The following BTC variants were observed in gnomAD, a reference collection of about 807,000 sequenced individuals.
BTC encodes betacellulin.
Under a neutral mutation model 18.1 loss-of-function variants are expected in BTC, and 13 were observed. That is an observed-to-expected ratio of 0.72 (90% confidence interval 0.47 to 1.14). BTC has a LOEUF of 1.14. BTC is among the 50% of genes most tolerant of loss of function. The pLI, the probability that BTC is intolerant of heterozygous loss-of-function variation, is 0.00. For synonymous variants in BTC, 83 were observed against 79.4 expected (o/e 1.05, Z -0.24); for missense variants, 247 against 224.2 (o/e 1.10, Z -0.65).
At chr4:74,766,932 T>C (rs1164818357) in intron 2 of BTC, among the ~76,000 whole-genome samples, 1 of 152,016 alleles carries the variant, frequency 6.6e-6, no homozygotes, top group Non-Finnish European at 1.5e-5. Flanking sequence ...CCCAAAATAA[T>C]AGGCCTTATA....
intron 1 of BTC, among the ~76,000 whole-genome samples, chr4:74,777,297 G>C (rs1032650790): frequency 6.6e-6 from 1 of 152,150 alleles, no homozygotes; most frequent in Admixed American, 6.6e-5. Context: ...GTGGAGGGTA[G>C]AAATTATGCG....
chr4:74,749,663 C>T (rs1311576002), intron 4 of BTC, among the ~76,000 whole-genome samples: 1 of 140,286 alleles, frequency 7.1e-6, no homozygotes, highest in African/African-American at 2.7e-5. Flanking sequence ...CAAAAAGATA[C>T]CACTTTAATA....
chr4:74,781,514 C>T (rs1190077825), intron 1 of BTC, among the ~76,000 whole-genome samples: 1 of 151,866 alleles, frequency 6.6e-6, no homozygotes, highest in Non-Finnish European at 1.5e-5. Flanking sequence ...TAGCCTCATC[C>T]TCCTTCACAT....
At chr4:74,786,631 G>GA (rs139696127) in intron 1 of BTC, among the ~76,000 whole-genome samples, 246 of 152,274 alleles carry the variant, frequency 1.6e-3, no homozygotes, top group African/African-American at 5.7e-3. Context: ...ACACAAGAGA[G>GA]AAAATCATCT....
At position 74,783,335 on chromosome 4, in the gene BTC, G is replaced by A. The variant is rs144705384; in HGVS notation, c.64+10927C>T. Among the ~76,000 whole-genome samples the A allele has an allele frequency of 2.0e-3, 303 of 151,970 alleles. 1 individual carries two copies. The highest frequency in any genetic ancestry group is 3.6e-3 in the Non-Finnish European group (246 of 67,918). ...CTGCATATGACTAGCCAGTTCTCTCGGCACCGTTTATTAAATAAGGATTCC... is the reference window on the plus strand; with the variant it reads ...CTGCATATGACTAGCCAGTTCTCTCAGCACCGTTTATTAAATAAGGATTCC... On this transcript the variant is annotated intron_variant, in intron 1 of 5. Coordinates refer to ENST00000395743, the MANE Select transcript of BTC (RefSeq NM_001729.4).
At chr4:74,772,637 T>C (rs1250801495) in intron 1 of BTC, among the ~76,000 whole-genome samples, 1 of 151,764 alleles carries the variant, frequency 6.6e-6, no homozygotes, top group Non-Finnish European at 1.5e-5. Context: ...CCTTAATTTC[T>C]TCTAATGGTG....
chr4:74,792,395 G>A (rs1030317872), intron 1 of BTC, among the ~76,000 whole-genome samples: 1 of 152,148 alleles, frequency 6.6e-6, no homozygotes, highest in Non-Finnish European at 1.5e-5. Flanking sequence ...TGACACCTCT[G>A]CTAAAACATC....
At position 74,748,167 on chromosome 4, in the gene BTC, A is replaced by C. The variant is rs1467936419; in HGVS notation, c.429-18T>G. 3 of 1,488,800 alleles carry C rather than the reference A, an allele frequency of 2.0e-6. No homozygotes were observed. In the African/African-American group the frequency reaches 4.1e-5, roughly 21 times the overall value. 92.2% of individuals were successfully genotyped at this position (1,488,800 alleles called of 1,614,324 possible). A position where few individuals can be genotyped will look rare whatever the true frequency, so the allele number is the denominator to read the frequency against. On this transcript the variant is annotated intron_variant, in intron 4 of 5. Transcript: ENST00000395743. ...GAAGAGGGCTTGGAAAATACGTGTT[A>C]GAAGTTAGTATGGGCCTAGTAGTTC...
Position 74,745,441 on chromosome 4 carries a change from G to A in BTC, c.*1236C>T, listed in dbSNP as rs967061722. 3.6e-4 allele frequency: 55 copies of A among 152,192 alleles called. No individual in the cohort carries two copies. The highest frequency in any genetic ancestry group is 1.2e-4 in the Non-Finnish European group (8 of 68,024). 9.4% of individuals were successfully genotyped at this position (152,192 alleles called of 1,614,324 possible). A position where few individuals can be genotyped will look rare whatever the true frequency, so the allele number is the denominator to read the frequency against. ...CACAAGTTGGGGGGCATCTTCCATC[G>A]ATTTTTGTAAGTGAACCACGTAATC... On this transcript the variant is annotated 3_prime_UTR_variant, in exon 6 of 6. Transcript: ENST00000395743.
chr4:74,755,758 G>A (rs1342416863), intron 3 of BTC, 101 bp downstream of exon 3: 4 of 1,114,830 alleles, frequency 3.6e-6, no homozygotes, highest in African/African-American at 1.5e-5. Context: ...AACTGTGTTC[G>A]GACAGATGGC....
intron 2 of BTC, among the ~76,000 whole-genome samples, chr4:74,759,408 C>A (rs1357434000): frequency 6.6e-6 from 1 of 151,968 alleles, no homozygotes; most frequent in Non-Finnish European, 1.5e-5. Flanking sequence ...TTGCCAAAAA[C>A]AAAATATGCC....
intron 1 of BTC, among the ~76,000 whole-genome samples, chr4:74,783,264 G>C (rs1725385423): frequency 6.6e-6 from 1 of 152,020 alleles, no homozygotes; most frequent in South Asian, 2.1e-4. Flanking sequence ...TCCATCTTGA[G>C]TTATTTTTTG....
In BTC at chr4:74,746,627, G is replaced by A. The variant is rs1724297423; in HGVS notation, c.*50C>T. The A allele has an allele frequency of 6.6e-6, 1 of 152,580 alleles. No individual in the cohort carries two copies. The highest frequency in any genetic ancestry group is 6.5e-5 in the Admixed American group (1 of 15,272). 9.5% of individuals were successfully genotyped at this position (152,580 alleles called of 1,614,324 possible). ...ACACATTCTGTCCATTTTCAAATGA[G>A]CAAGGCACTTTGCAGCTTGCCACCA... On this transcript the variant is annotated 3_prime_UTR_variant, in exon 6 of 6. Transcript: ENST00000395743.
At chr4:74,793,994 C>G (rs569126268) in intron 1 of BTC, among the ~76,000 whole-genome samples, 3 of 152,194 alleles carry the variant, frequency 2.0e-5, no homozygotes, top group Admixed American at 1.3e-4. Context: ...GGCCTGCTCG[C>G]AGCACTGGCA....
At chr4:74,750,843 A>T (rs1436354686) in intron 3 of BTC, 124 bp from the exon 4 acceptor site, 34 of 1,311,914 alleles carry the variant, frequency 2.6e-5, no homozygotes, top group Non-Finnish European at 3.5e-5. Flanking sequence ...TTCCCTTTTT[A>T]AAAAAAGATG....
At chr4:74,781,181 CT>C (rs1230233361) in intron 1 of BTC, among the ~76,000 whole-genome samples, 1 of 151,866 alleles carries the variant, frequency 6.6e-6, no homozygotes, top group East Asian at 1.9e-4. Context: ...TCTGGCTCCA[CT>C]TTTTTCCAAG....
intron 5 of BTC, 81 bp from the exon 6 acceptor site, chr4:74,746,756 C>T (rs948938389): frequency 2.6e-5 from 4 of 151,138 alleles, no homozygotes; most frequent in African/African-American, 9.7e-5. Context: ...AATCCAGAGC[C>T]AGCCATTTTG....
chr4:74,769,514 T>C (rs1193150814), intron 2 of BTC, among the ~76,000 whole-genome samples: 1 of 152,190 alleles, frequency 6.6e-6, no homozygotes, highest in African/African-American at 2.4e-5. Flanking sequence ...AAACTCTTAC[T>C]AAGGCCTTCA....
chr4:74,755,954 C>G lies in BTC; in HGVS notation c.186G>C (p.Arg62=), dbSNP rs534728400. 3.1e-6 allele frequency: 5 copies of G among 1,614,092 alleles called. No homozygotes were observed. The South Asian group carries it at 5.5e-5, about 18-fold the overall frequency. The change falls in exon 3 of 6, where the codon CGG becomes CGC. Residue 62 remains arginine, a synonymous_variant. Coordinates refer to ENST00000395743, the MANE Select transcript of BTC (RefSeq NM_001729.4). The part of the protein sequence containing the change: ...NCAATTTQSK[R]KGHFSRCPKQ... ...TGGGGCACCTAGAGAAGTGGCCTTT[C>G]CGCTTTGATTGTGTGGTGGTAGCTG...
Sources: gnomAD v4.1 joint callset for allele counts (sites outside exome capture counted in the v4.1 genomes callset) on GRCh38, gnomAD v4.1.1 for gene constraint, MANE v1.5 for transcripts, NCBI Gene and HGNC (gene_info 2026-07-23, HGNC 2026-07-21) for gene names.